The following RIMS2 variants were observed in gnomAD, a reference collection of about 807,000 sequenced individuals.
RIMS2 encodes regulating synaptic membrane exocytosis 2.
Under a neutral mutation model 174.4 loss-of-function variants are expected in RIMS2, and 59 were observed. The ratio of observed to expected loss-of-function variants is 0.34; its 90% CI spans 0.27 to 0.42. The LOEUF (loss-of-function observed/expected upper bound fraction) is 0.42. Among genes scored for constraint, RIMS2 ranks in the 10% least tolerant of loss-of-function variants. RIMS2 has a pLI of 1.00. For synonymous variants in RIMS2, 606 were observed against 572.5 expected (o/e 1.06, Z -0.84); for missense variants, 1,620 against 1,666.3 (o/e 0.97, Z 0.48).
intron 10 of RIMS2, among the ~76,000 whole-genome samples, chr8:103,923,789 T>C (rs1281807097): frequency 6.6e-6 from 1 of 151,898 alleles, no homozygotes. Flanking sequence ...TGCATATTTA[T>C]TGTGGGAAAT....
intron 2 of RIMS2, among the ~76,000 whole-genome samples, chr8:103,728,388 A>G (rs891027698): frequency 6.6e-5 from 10 of 151,986 alleles, no homozygotes; most frequent in African/African-American, 2.2e-4. Context: ...GTATAATTTG[A>G]CTTATTTATT....
chr8:103,937,294 A>C (rs2081490765), intron 13 of RIMS2, among the ~76,000 whole-genome samples: 1 of 152,160 alleles, frequency 6.6e-6, no homozygotes, highest in African/African-American at 2.4e-5. Flanking sequence ...TAGAACTCTC[A>C]GTGTTGAATG....
At chr8:103,931,972 C>G (rs750475440) in intron 12 of RIMS2, among the ~76,000 whole-genome samples, 1 of 151,820 alleles carries the variant, frequency 6.6e-6, no homozygotes, top group Non-Finnish European at 1.5e-5. Flanking sequence ...ATTGTTCTAC[C>G]CTTATTTTTT....
chr8:103,502,571 C>G (rs1193770369), intron 1 of RIMS2, among the ~76,000 whole-genome samples: 1 of 152,006 alleles, frequency 6.6e-6, no homozygotes, highest in African/African-American at 2.4e-5. Context: ...GCAGTTTACT[C>G]TAACTAATAG....
intron 19 of RIMS2, among the ~76,000 whole-genome samples, chr8:104,220,957 C>A (rs1008976236): frequency 1.3e-5 from 2 of 152,104 alleles, no homozygotes; most frequent in Non-Finnish European, 2.9e-5. Flanking sequence ...TTCCTTGATA[C>A]CTTCCCCCGA....
chr8:103,593,560 G>T (rs978137549), intron 1 of RIMS2, among the ~76,000 whole-genome samples: 3 of 151,370 alleles, frequency 2.0e-5, no homozygotes, highest in Non-Finnish European at 4.4e-5. Flanking sequence ...TCAAATATCT[G>T]TGTGAACCCA....
intron 19 of RIMS2, among the ~76,000 whole-genome samples, chr8:104,196,340 G>A (rs2441903): frequency 0.31 from 46,368 of 151,792 alleles, 7,404 homozygotes; most frequent in Non-Finnish European, 0.34. Context: ...ATAACCTTAC[G>A]AAACAAAAGT....
intron 3 of RIMS2, among the ~76,000 whole-genome samples, chr8:103,877,605 C>T (rs891315623): frequency 7.9e-5 from 12 of 151,898 alleles, no homozygotes; most frequent in Non-Finnish European, 1.8e-4. Flanking sequence ...TACTTTTATA[C>T]AAATCCCATT....
chr8:103,842,944 T>G (rs575517009), intron 3 of RIMS2, among the ~76,000 whole-genome samples: 7 of 152,312 alleles, frequency 4.6e-5, no homozygotes, highest in Non-Finnish European at 8.8e-5. Context: ...TCGCTGTGTC[T>G]TCACTGATCT....
chr8:103,504,834 TTTTC>T (rs941694632), intron 1 of RIMS2, among the ~76,000 whole-genome samples: 5 of 143,568 alleles, frequency 3.5e-5, no homozygotes, highest in African/African-American at 5.1e-5. Context: ...CTTTCTTTTC[TTTTC>T]TTTCTTTCTT....
intron 1 of RIMS2, among the ~76,000 whole-genome samples, chr8:103,627,837 T>C (rs2095823332): frequency 6.6e-6 from 1 of 152,220 alleles, no homozygotes; most frequent in Non-Finnish European, 1.5e-5. Flanking sequence ...AATAATCATT[T>C]ATACCTTTCT....
exon 1 of RIMS2, chr8:103,500,818 C>T (rs1819290284): frequency 6.7e-6 from 7 of 1,042,068 alleles, no homozygotes; most frequent in Non-Finnish European, 8.2e-6. Flanking sequence ...CCCCAGCCGC[C>T]GCGCCGGTGC....
intron 8 of RIMS2, 125 bp downstream of exon 11, chr8:103,916,662 C>T (rs566440928): frequency 1.4e-6 from 1 of 736,370 alleles, no homozygotes; most frequent in Non-Finnish European, 2.1e-6. Context: ...ATAACTTTTT[C>T]TCTTTCCTTA....
At chr8:103,789,707 A>C (rs1192784299) in intron 3 of RIMS2, among the ~76,000 whole-genome samples, 15 of 146,766 alleles carry the variant, frequency 1.0e-4, no homozygotes, top group Non-Finnish European at 3.0e-5. Context: ...TATTCTTTTT[A>C]CCAATGCATA....
At chr8:103,738,363 C>A (rs1300024085) in intron 2 of RIMS2, among the ~76,000 whole-genome samples, 12 of 152,122 alleles carry the variant, frequency 7.9e-5, no homozygotes, top group Non-Finnish European at 1.5e-4. Flanking sequence ...CTTCCTTACA[C>A]CTTATACGAA....
intron 3 of RIMS2, chr8:103,768,757 A>C: frequency 1.3e-6 from 1 of 754,102 alleles, no homozygotes; most frequent in Non-Finnish European, 2.5e-6. Context: ...TGTTGTAAGA[A>C]AGCCTTTAAA....
intron 19 of RIMS2, among the ~76,000 whole-genome samples, chr8:104,156,988 A>G (rs2098728399): frequency 1.3e-5 from 2 of 152,220 alleles, no homozygotes; most frequent in African/African-American, 4.8e-5. Context: ...CAAATCTCAA[A>G]CTAACCCTAT....
intron 4 of RIMS2, among the ~76,000 whole-genome samples, chr8:103,901,273 G>A (rs145363171): frequency 4.9e-4 from 75 of 152,206 alleles, no homozygotes; most frequent in Non-Finnish European, 8.1e-4. Flanking sequence ...AAATGGAGGG[G>A]CATCTGAATC....
At chr8:104,149,122 C>G (rs2098668991) in intron 19 of RIMS2, among the ~76,000 whole-genome samples, 1 of 152,160 alleles carries the variant, frequency 6.6e-6, no homozygotes. Context: ...CACCCAATTG[C>G]CAGCTGCTGA....
Sources: gnomAD v4.1 joint callset for allele counts (sites outside exome capture counted in the v4.1 genomes callset) on GRCh38, gnomAD v4.1.1 for gene constraint, MANE v1.5 for transcripts, NCBI Gene and HGNC (gene_info 2026-07-23, HGNC 2026-07-21) for gene names.